Variants in GRM8 observed in about 807,000 individuals in gnomAD.
GRM8 encodes the protein metabotropic glutamate receptor 8.
Under a neutral mutation model 87.2 loss-of-function variants are expected in GRM8, and 47 were observed. The observed-to-expected ratio is 0.54, with a 90% CI of 0.43 to 0.69. GRM8 has a LOEUF of 0.69. GRM8 is among the 30% of genes least tolerant of loss of function. The pLI is 0.00. For missense variants in GRM8, 1,019 were observed against 1,139.2 expected, an observed-to-expected ratio of 0.89 and a Z score of 1.52; for synonymous variants, 396 against 404.5, an observed-to-expected ratio of 0.98 and a Z score of 0.25.
At chr7:126,754,256 T>C (rs538241619) in intron 7 of GRM8, among the ~76,000 whole-genome samples, 2 of 151,992 alleles carry the variant, frequency 1.3e-5, no homozygotes, top group African/African-American at 4.8e-5. Flanking sequence ...GAATGCAGTA[T>C]TTAAAAACCT....
At chr7:127,219,686 C>G (rs954970222) in intron 2 of GRM8, 1 of 152,178 alleles carries the variant, frequency 6.6e-6, no homozygotes, top group Non-Finnish European at 1.5e-5. Context: ...TGTTCCTGCC[C>G]AGGCCTAAAA....
At chr7:126,544,586 C>T (rs1446144456) in intron 8 of GRM8, among the ~76,000 whole-genome samples, 1 of 152,126 alleles carries the variant, frequency 6.6e-6, no homozygotes, top group Non-Finnish European at 1.5e-5. Flanking sequence ...TCTCAGCTCA[C>T]TGCAACCTCC....
At chr7:127,176,468 T>A (rs1429845014) in intron 2 of GRM8, among the ~76,000 whole-genome samples, 2 of 152,166 alleles carry the variant, frequency 1.3e-5, no homozygotes. Context: ...AGTGGGATCA[T>A]CATGGCAGAC....
At chr7:126,596,934 C>T (rs1562992476) in intron 8 of GRM8, among the ~76,000 whole-genome samples, 1 of 152,046 alleles carries the variant, frequency 6.6e-6, no homozygotes, top group Non-Finnish European at 1.5e-5. Flanking sequence ...CTCACAATAA[C>T]ATCAATAAAA....
intron 3 of GRM8, among the ~76,000 whole-genome samples, chr7:127,069,818 G>C (rs1821502388): frequency 6.6e-6 from 1 of 152,176 alleles, no homozygotes; most frequent in South Asian, 2.1e-4. Flanking sequence ...TAACCTCTCT[G>C]AGACAAACTT....
Position 126,601,380 on chromosome 7 carries a change from C to T in GRM8, c.1494+7982G>A, listed in dbSNP as rs568786935. Among the ~76,000 whole-genome samples the T allele has an allele frequency of 5.4e-4, 82 of 152,026 alleles. No individual in the cohort carries two copies. In the South Asian group the frequency reaches 8.5e-3, roughly 16 times the overall value. On this transcript the variant is annotated intron_variant, in intron 8 of 10. Coordinates refer to ENST00000339582, the MANE Select transcript of GRM8 (RefSeq NM_000845.3). ...AAGTCTTTGCTATGGTGAATAATGCCGCAATAAACATACGTGTGCATGTGT... is the reference window on the plus strand; with the variant it reads ...AAGTCTTTGCTATGGTGAATAATGCTGCAATAAACATACGTGTGCATGTGT...
chr7:126,953,721 T>C (rs1808391552), intron 3 of GRM8, among the ~76,000 whole-genome samples: 1 of 152,122 alleles, frequency 6.6e-6, no homozygotes, highest in Admixed American at 6.6e-5. Context: ...CCAGGAACCG[T>C]TTGTTACAAC....
chr7:126,615,690 C>A (rs1018151862), intron 7 of GRM8, among the ~76,000 whole-genome samples: 6 of 151,862 alleles, frequency 4.0e-5, no homozygotes, highest in Non-Finnish European at 8.8e-5. Context: ...ATCTACCAAG[C>A]AAATGGAAAA....
chr7:126,770,204 T>G, intron 6 of GRM8, 139 bp from the exon 7 acceptor site: 1 of 618,660 alleles, frequency 1.6e-6, no homozygotes, highest in Non-Finnish European at 2.8e-6. Context: ...ATTCTATACT[T>G]ACTGAGTCAG....
At chr7:126,805,047 A>G (rs10232779) in intron 6 of GRM8, among the ~76,000 whole-genome samples, 2,903 of 152,188 alleles carry the variant, frequency 0.019, 96 homozygotes, top group African/African-American at 0.066. Flanking sequence ...GAGTATACCA[A>G]TCCCAATGGT....
chr7:126,829,723 A>G (rs941749756), intron 6 of GRM8, among the ~76,000 whole-genome samples: 2 of 151,512 alleles, frequency 1.3e-5, no homozygotes, highest in African/African-American at 2.4e-5. Flanking sequence ...ATATTGTTAT[A>G]TGTGAATTTG....
intron 3 of GRM8, among the ~76,000 whole-genome samples, chr7:127,062,312 C>T (rs1023664062): frequency 1.2e-4 from 18 of 152,132 alleles, no homozygotes; most frequent in African/African-American, 4.3e-4. Flanking sequence ...AAAAAGGATA[C>T]ACCAAGAGAG....
intron 2 of GRM8, among the ~76,000 whole-genome samples, chr7:127,208,457 T>G (rs1796036323): frequency 6.6e-6 from 1 of 152,188 alleles, no homozygotes; most frequent in African/African-American, 2.4e-5. Context: ...GCTATAACCC[T>G]TTATAAGAAA....
intron 9 of GRM8, among the ~76,000 whole-genome samples, chr7:126,460,556 T>G (rs1168551942): frequency 6.6e-6 from 1 of 151,604 alleles, no homozygotes; most frequent in Non-Finnish European, 1.5e-5. Context: ...GTCCTCTTCT[T>G]GCACATTATT....
rs1322175518 is a variant in GRM8 at position 126,528,867 on chromosome 7, G to A, written c.2430+4085C>T. 2.0e-5 allele frequency among the ~76,000 whole-genome samples: 3 copies of A among 152,086 alleles called. No individual in the cohort carries two copies. In the East Asian group the frequency reaches 5.8e-4, roughly 29 times the overall value. On this transcript the variant is annotated intron_variant, in intron 9 of 10. Coordinates refer to ENST00000339582, the MANE Select transcript of GRM8 (RefSeq NM_000845.3). Reference sequence around the variant, plus strand: ...CAGCTATTTAGCAGACACAGGATTTGAACCCAAGATTTCACATTCAGGAGC... The same window carrying A: ...CAGCTATTTAGCAGACACAGGATTTAAACCCAAGATTTCACATTCAGGAGC...
At chr7:126,563,127 A>C (rs979222183) in intron 8 of GRM8, among the ~76,000 whole-genome samples, 1 of 152,122 alleles carries the variant, frequency 6.6e-6, no homozygotes, top group Non-Finnish European at 1.5e-5. Context: ...GTGCTTCCTC[A>C]TGTTACACTG....
chr7:126,524,798 C>T (rs998875921), intron 9 of GRM8, among the ~76,000 whole-genome samples: 1 of 152,084 alleles, frequency 6.6e-6, no homozygotes, highest in African/African-American at 2.4e-5. Context: ...TTTTCACATT[C>T]ATAATTTTAG....
At chr7:126,745,450 G>A (rs1486637814) in intron 7 of GRM8, among the ~76,000 whole-genome samples, 2 of 123,814 alleles carry the variant, frequency 1.6e-5, no homozygotes, top group Non-Finnish European at 3.8e-5. Context: ...TGACGTGTGT[G>A]TCTGCATCTG....
intron 2 of GRM8, among the ~76,000 whole-genome samples, chr7:127,128,706 A>G (rs981860011): frequency 6.6e-6 from 1 of 152,168 alleles, no homozygotes; most frequent in Non-Finnish European, 1.5e-5. Flanking sequence ...CAGCTAATGA[A>G]TAACGGTAAG....
Sources: gnomAD v4.1 joint callset for allele counts (sites outside exome capture counted in the v4.1 genomes callset) on GRCh38, gnomAD v4.1.1 for gene constraint, MANE v1.5 for transcripts, NCBI Gene and HGNC (gene_info 2026-07-23, HGNC 2026-07-21) for gene names.